The following SORCS1 variants were observed in gnomAD, a reference collection of about 807,000 sequenced individuals.
The protein encoded by SORCS1 is sortilin related VPS10 domain containing receptor 1.
SORCS1 carries 60 observed loss-of-function variants against 146.1 expected under a neutral mutation model. The ratio of observed to expected loss-of-function variants is 0.41; its 90% CI spans 0.33 to 0.51. The LOEUF is 0.51. Ranked by LOEUF, SORCS1 falls within the 20% of genes least tolerant of loss-of-function variation. The pLI is 0.21. For synonymous variants in SORCS1, 637 were observed against 584.0 expected (o/e 1.09, Z -1.31); for missense variants, 1,352 against 1,487.6 (o/e 0.91, Z 1.50).
chr10:106,962,097 T>C (rs574864366), intron 1 of SORCS1, among the ~76,000 whole-genome samples: 1 of 152,194 alleles, frequency 6.6e-6, no homozygotes, highest in East Asian at 1.9e-4. Context: ...AAGGATGTCT[T>C]AGAAAATGGG....
chr10:106,890,606 A>C (rs1951190574), intron 2 of SORCS1, among the ~76,000 whole-genome samples: 1 of 152,206 alleles, frequency 6.6e-6, no homozygotes, highest in Admixed American at 6.5e-5. Context: ...TGGTCAAATA[A>C]ATCAGTGGGC....
At chr10:106,594,709 G>A (rs1041344702) in intron 24 of SORCS1, among the ~76,000 whole-genome samples, 31 of 152,298 alleles carry the variant, frequency 2.0e-4, no homozygotes, top group Non-Finnish European at 1.8e-4. Flanking sequence ...CAAACCTAAA[G>A]ATAGTGTTCA....
intron 1 of SORCS1, among the ~76,000 whole-genome samples, chr10:106,970,887 C>T (rs533477439): frequency 5.4e-4 from 82 of 151,244 alleles, no homozygotes; most frequent in African/African-American, 1.7e-3. Context: ...TACAGGCACC[C>T]GCCACCATGC....
intron 2 of SORCS1, among the ~76,000 whole-genome samples, chr10:106,839,829 T>G (rs1011215083): frequency 2.6e-5 from 4 of 152,226 alleles, no homozygotes; most frequent in Admixed American, 1.3e-4. Flanking sequence ...AGAATTATCC[T>G]AAATCTATTC....
chr10:106,629,501 G>T, intron 18 of SORCS1, 113 bp from the exon 19 acceptor site: 2 of 1,001,512 alleles, frequency 2.0e-6, no homozygotes, highest in Non-Finnish European at 3.0e-6. Context: ...TGGCAGCCCT[G>T]GCTCACTCCT....
At chr10:106,900,441 T>C (rs1951657980) in intron 2 of SORCS1, among the ~76,000 whole-genome samples, 1 of 152,206 alleles carries the variant, frequency 6.6e-6, no homozygotes, top group African/African-American at 2.4e-5. Context: ...TCCCCTTCAG[T>C]GATTACAGAG....
At chr10:106,838,386 T>G (rs1366772614) in intron 2 of SORCS1, among the ~76,000 whole-genome samples, 2 of 152,186 alleles carry the variant, frequency 1.3e-5, no homozygotes, top group Non-Finnish European at 2.9e-5. Flanking sequence ...ATCAATATCC[T>G]CCTTCAGAGT....
chr10:106,941,447 C>G lies in SORCS1; in HGVS notation c.626+15066G>C, dbSNP rs555472514. 4.6e-5 allele frequency among the ~76,000 whole-genome samples: 7 copies of G among 152,280 alleles called. No individual in the cohort carries two copies. In the East Asian group the frequency reaches 1.2e-3, roughly 25 times the overall value. On this transcript the variant is annotated intron_variant, in intron 2 of 25. Transcript: ENST00000263054. ...TCTCAGAGCTAGTAAATGGACAGAG[C>G]CTGGATTCCTGCCCAGACAGCCCAA...
chr10:107,041,318 C>T (rs1959143853), intron 1 of SORCS1, among the ~76,000 whole-genome samples: 2 of 151,340 alleles, frequency 1.3e-5, no homozygotes, highest in South Asian at 4.2e-4. Context: ...ATCTCTGCTA[C>T]TTTCTGAAAT....
chr10:106,590,102 A>G (rs935373617), intron 24 of SORCS1, among the ~76,000 whole-genome samples: 5 of 152,144 alleles, frequency 3.3e-5, no homozygotes, highest in African/African-American at 1.2e-4. Flanking sequence ...TAGAAGCCCC[A>G]ATCCATGTCA....
At chr10:106,733,932 AGGC>A (rs1856781438) in intron 5 of SORCS1, among the ~76,000 whole-genome samples, 2 of 152,156 alleles carry the variant, frequency 1.3e-5, no homozygotes, top group Admixed American at 1.3e-4. Flanking sequence ...GGACTCCCAA[AGGC>A]AAGTGTTCTG....
intron 2 of SORCS1, among the ~76,000 whole-genome samples, chr10:106,894,379 A>AC (rs1564784228): frequency 3.3e-5 from 5 of 151,516 alleles, no homozygotes; most frequent in African/African-American, 1.2e-4. Context: ...TGGGTAGAAA[A>AC]CTTTTTTTTC....
At chr10:106,897,824 GCT>G (rs1951545520) in intron 2 of SORCS1, among the ~76,000 whole-genome samples, 1 of 152,202 alleles carries the variant, frequency 6.6e-6, no homozygotes, top group Admixed American at 6.5e-5. Flanking sequence ...GTACACGTGA[GCT>G]CAGGACTTTG....
At chr10:106,766,307 C>G (rs1225474836) in intron 4 of SORCS1, among the ~76,000 whole-genome samples, 1 of 152,130 alleles carries the variant, frequency 6.6e-6, no homozygotes, top group African/African-American at 2.4e-5. Context: ...CTGGGGATGG[C>G]CTGGGTACAA....
intron 1 of SORCS1, among the ~76,000 whole-genome samples, chr10:107,071,216 G>C (rs546547939): frequency 1.3e-5 from 2 of 152,010 alleles, no homozygotes; most frequent in Non-Finnish European, 2.9e-5. Flanking sequence ...AAAAATGCTG[G>C]TATTTTTTTA....
At chr10:106,733,001 G>A (rs1284756747) in intron 5 of SORCS1, among the ~76,000 whole-genome samples, 1 of 151,592 alleles carries the variant, frequency 6.6e-6, no homozygotes, top group African/African-American at 2.4e-5. Flanking sequence ...TACCTGTTTC[G>A]GGAGGCTGAG....
chr10:106,708,046 T>C (rs1854662030), intron 7 of SORCS1, among the ~76,000 whole-genome samples: 1 of 152,206 alleles, frequency 6.6e-6, no homozygotes, highest in Non-Finnish European at 1.5e-5. Context: ...AAATGCAGAA[T>C]TGATTCTCAT....
intron 2 of SORCS1, among the ~76,000 whole-genome samples, chr10:106,833,473 AG>A (rs1203163810): frequency 6.6e-6 from 1 of 152,254 alleles, no homozygotes; most frequent in African/African-American, 2.4e-5. Context: ...ATGGTGGTAC[AG>A]AAGTAAAAAT....
chr10:106,962,394 C>CAAAA (rs60616146), intron 1 of SORCS1, among the ~76,000 whole-genome samples: 1,400 of 62,006 alleles, frequency 0.023, 54 homozygotes, highest in African/African-American at 0.065. Flanking sequence ...AACTCCATCT[C>CAAAA]AAAAAAAAAA....
Sources: allele counts gnomAD v4.1 joint callset (sites outside exome capture counted in the v4.1 genomes callset), GRCh38; gene constraint gnomAD v4.1.1; transcripts MANE v1.5; gene names NCBI Gene and HGNC (gene_info 2026-07-23, HGNC 2026-07-21).